The following MEI4 variants were observed in gnomAD, a reference collection of about 807,000 sequenced individuals.
MEI4 encodes meiosis-specific protein MEI4.
A neutral mutation model predicts 31.4 loss-of-function variants in MEI4; 27 were observed. The observed-to-expected ratio is 0.86, with a 90% CI of 0.63 to 1.19. MEI4 has a LOEUF of 1.19. Ranked by LOEUF, MEI4 falls within the 50% of genes most tolerant of loss-of-function variation. The pLI, the probability that MEI4 is intolerant of heterozygous loss-of-function variation, is 0.00. For synonymous variants in MEI4, 122 were observed against 145.4 expected (o/e 0.84, Z 1.16); for missense variants, 329 against 398.9 (o/e 0.82, Z 1.49).
At chr6:77,777,009 G>T (rs1768464575) in intron 3 of MEI4, among the ~76,000 whole-genome samples, 1 of 152,138 alleles carries the variant, frequency 6.6e-6, no homozygotes, top group Admixed American at 6.6e-5. Flanking sequence ...AAGTAGAAAT[G>T]GAGATATGTA....
intron 2 of MEI4, among the ~76,000 whole-genome samples, chr6:77,693,982 C>T (rs1300081802): frequency 1.3e-5 from 2 of 152,066 alleles, no homozygotes; most frequent in Non-Finnish European, 2.9e-5. Flanking sequence ...ATTCAGTTTA[C>T]AGCATCAACT....
intron 2 of MEI4, among the ~76,000 whole-genome samples, chr6:77,746,370 T>C (rs1212801604): frequency 1.1e-4 from 16 of 152,128 alleles, no homozygotes; most frequent in Non-Finnish European, 1.5e-5. Flanking sequence ...ATCCAATAAG[T>C]GGAAGCCCTG....
intron 3 of MEI4, among the ~76,000 whole-genome samples, chr6:77,798,192 TATAAA>T (rs1769134041): frequency 6.6e-6 from 1 of 151,410 alleles, no homozygotes; most frequent in Non-Finnish European, 1.5e-5. Flanking sequence ...AACAGGTAAA[TATAAA>T]ATGTATACAT....
intron 3 of MEI4, among the ~76,000 whole-genome samples, chr6:77,792,904 G>T (rs1215701192): frequency 1.3e-5 from 2 of 151,920 alleles, no homozygotes; most frequent in African/African-American, 4.8e-5. Context: ...AGTAGAGACA[G>T]GGTTTCACCA....
At chr6:77,781,771 G>A (rs183754326) in intron 3 of MEI4, among the ~76,000 whole-genome samples, 3 of 152,224 alleles carry the variant, frequency 2.0e-5, no homozygotes, top group Non-Finnish European at 2.9e-5. Flanking sequence ...CTACTTAAGA[G>A]CTCTATTCTT....
At position 77,824,161 on chromosome 6, in the gene MEI4, C is replaced by T. The variant is rs546252460; in HGVS notation, c.769-4770C>T. Among the ~76,000 whole-genome samples the T allele has an allele frequency of 3.3e-3, 500 of 152,282 alleles. 3 individuals are homozygous for T. The highest frequency in any genetic ancestry group is 5.1e-3 in the Non-Finnish European group (349 of 68,026). On this transcript the variant is annotated intron_variant, in intron 3 of 4. Coordinates refer to ENST00000684080, the MANE Select transcript of MEI4 (RefSeq NM_001322247.2). ...CTGGAGTGAAGTGGAATGAGCTCGA[C>T]TCACTGCAACCTCCACCTCCTGGGT...
At chr6:77,735,052 C>G (rs574643139) in intron 2 of MEI4, among the ~76,000 whole-genome samples, 2 of 152,080 alleles carry the variant, frequency 1.3e-5, no homozygotes, top group African/African-American at 4.8e-5. Context: ...ACCTTTCTCT[C>G]TGGCTGCCCT....
At chr6:77,812,164 A>G (rs1245140609) in intron 3 of MEI4, among the ~76,000 whole-genome samples, 1 of 152,012 alleles carries the variant, frequency 6.6e-6, no homozygotes, top group African/African-American at 2.4e-5. Context: ...AGTTGCTTTT[A>G]TGTTTGGGAT....
chr6:77,697,978 A>G (rs1017724140), intron 2 of MEI4, among the ~76,000 whole-genome samples: 11 of 152,200 alleles, frequency 7.2e-5, no homozygotes, highest in Non-Finnish European at 1.5e-4. Context: ...TATTTAGGAT[A>G]GTTAGCTCTT....
At chr6:77,803,433 C>G (rs1769331947) in intron 3 of MEI4, among the ~76,000 whole-genome samples, 1 of 152,102 alleles carries the variant, frequency 6.6e-6, no homozygotes, top group South Asian at 2.1e-4. Flanking sequence ...TCCTTTAGCT[C>G]AGAGTAGTTT....
rs867382573 is a variant in MEI4 at position 77,923,475 on chromosome 6, A to G, written c.*129A>G. 1.6e-5 allele frequency: 12 copies of G among 735,860 alleles called. No individual in the cohort carries two copies. The highest frequency in any genetic ancestry group is 3.7e-5 in the African/African-American group (2 of 54,136). 45.6% of individuals were successfully genotyped at this position (735,860 alleles called of 1,614,324 possible). ...AATTGATCTCTAAATATAATTATCA[A>G]TTCAACTTAATGGTTAGTCTTAAAT... On this transcript the variant is annotated 3_prime_UTR_variant, in exon 5 of 5. Transcript: ENST00000684080.
rs1022415742 is a variant in MEI4 at position 77,926,332 on chromosome 6, G to A, written c.*2986G>A. 3.3e-5 allele frequency: 5 copies of A among 151,980 alleles called. No homozygotes were observed. Among genetic ancestry groups the A allele is most frequent in the African/African-American group, 1.2e-4 (5 of 41,502 alleles). 9.4% of individuals were successfully genotyped at this position (151,980 alleles called of 1,614,324 possible). A position where few individuals can be genotyped will look rare whatever the true frequency, so the allele number is the denominator to read the frequency against. On this transcript the variant is annotated 3_prime_UTR_variant, in exon 5 of 5. Transcript: ENST00000684080. ...GACCTTTTCAGGGTTGTAGCATCTT[G>A]CTACTCAAGACTGTAGCCAAGTTAC...
At chr6:77,861,126 G>T (rs1335556065) in intron 4 of MEI4, among the ~76,000 whole-genome samples, 1 of 152,134 alleles carries the variant, frequency 6.6e-6, no homozygotes, top group Non-Finnish European at 1.5e-5. Context: ...TCACTTCATT[G>T]TCTGCCTCTC....
intron 1 of MEI4, among the ~76,000 whole-genome samples, chr6:77,683,227 T>A (rs1323063038): frequency 1.3e-5 from 2 of 152,204 alleles, no homozygotes; most frequent in African/African-American, 4.8e-5. Flanking sequence ...TTGCTTTTTT[T>A]AATTAGCTAA....
chr6:77,761,510 T>G lies in MEI4; in HGVS notation c.613T>G (p.Phe205Val), dbSNP rs1768045190. Residue 205 changes from phenylalanine (F) to valine (V), a missense_variant, in exon 3 of 5, where the codon TTT (phenylalanine) becomes GTT (valine). Transcript: ENST00000684080. Reference sequence around the variant, plus strand: ...TTTTTACCGTAATCCCAAACTTCCTTTTTCAAGATTTTGGACAGAAGCTGT... The same window carrying G: ...TTTTTACCGTAATCCCAAACTTCCTGTTTCAAGATTTTGGACAGAAGCTGT... ...ITFYRNPKLP[F>V]SRFWTEAVGT... is the part of the protein sequence containing the mutation. 2 of 1,232,054 alleles carry G rather than the reference T, an allele frequency of 1.6e-6. No homozygotes were observed. The highest frequency in any genetic ancestry group is 8.2e-5 in the South Asian group (2 of 24,326). The allele number at this position is 1,232,054 out of a possible 1,614,324, so 76.3% of individuals were successfully genotyped here.
At chr6:77,826,895 A>T (rs898961370) in intron 3 of MEI4, among the ~76,000 whole-genome samples, 2 of 152,162 alleles carry the variant, frequency 1.3e-5, no homozygotes, top group Admixed American at 1.3e-4. Flanking sequence ...TGGGAAAGTG[A>T]TAAGAATTTC....
chr6:77,903,016 A>G (rs1766217409), intron 4 of MEI4, among the ~76,000 whole-genome samples: 2 of 152,038 alleles, frequency 1.3e-5, no homozygotes, highest in South Asian at 4.2e-4. Context: ...CACACCTTCC[A>G]CTTTACTTAT....
At chr6:77,733,987 G>C (rs1245887706) in intron 2 of MEI4, among the ~76,000 whole-genome samples, 2 of 152,110 alleles carry the variant, frequency 1.3e-5, no homozygotes, top group African/African-American at 2.4e-5. Flanking sequence ...ACTGTGGTCT[G>C]AGAGATAGTT....
rs557640824 is a variant in MEI4, at chr6:77,751,317, A to T, written c.233-9813A>T. On this transcript the variant is annotated intron_variant, in intron 2 of 4. Transcript: ENST00000684080. Reference sequence around the variant, plus strand: ...CACACAAAAAAAAACCCTTGAAAAAACTTGGTGAATCCAGGAGGTGGTTTG... The same window carrying T: ...CACACAAAAAAAAACCCTTGAAAAATCTTGGTGAATCCAGGAGGTGGTTTG... Among the ~76,000 whole-genome samples, 53 of 152,242 alleles carry T rather than the reference A, an allele frequency of 3.5e-4. No homozygotes were observed. The South Asian group carries it at 0.011, about 32-fold the overall frequency.
Sources: allele counts gnomAD v4.1 joint callset (sites outside exome capture counted in the v4.1 genomes callset), GRCh38; gene constraint gnomAD v4.1.1; transcripts MANE v1.5; gene names NCBI Gene and HGNC (gene_info 2026-07-23, HGNC 2026-07-21).